Variants in HS6ST3 observed in about 807,000 individuals in gnomAD.
HS6ST3 encodes heparan sulfate 6-O-sulfotransferase 3, also known as heparan-sulfate 6-O-sulfotransferase 3.
Under a neutral mutation model 36.7 loss-of-function variants are expected in HS6ST3, and 12 were observed. That is an observed-to-expected ratio of 0.33 (90% CI 0.21 to 0.53). HS6ST3 has a LOEUF of 0.53. HS6ST3 is among the 20% of genes least tolerant of loss of function. The pLI, the probability that HS6ST3 is intolerant of heterozygous loss-of-function variation, is 0.95. For synonymous variants in HS6ST3, 240 were observed against 257.5 expected (o/e 0.93, Z 0.65); for missense variants, 584 against 640.9 (o/e 0.91, Z 0.96).
chr13:96,544,442 A>G (rs1311111900), intron 1 of HS6ST3, among the ~76,000 whole-genome samples: 4 of 152,198 alleles, frequency 2.6e-5, no homozygotes, highest in Non-Finnish European at 5.9e-5. Flanking sequence ...ATGTTGTACA[A>G]GACAATTGAT....
intron 1 of HS6ST3, among the ~76,000 whole-genome samples, chr13:96,729,127 G>C (rs567307161): frequency 6.6e-6 from 1 of 152,254 alleles, no homozygotes; most frequent in South Asian, 2.1e-4. Flanking sequence ...AAAAGAATAG[G>C]GTTCTAGTTG....
chr13:96,306,914 T>A (rs570152654), intron 1 of HS6ST3, among the ~76,000 whole-genome samples: 3 of 152,318 alleles, frequency 2.0e-5, no homozygotes, highest in South Asian at 2.1e-4. Flanking sequence ...TGGAAGTGGC[T>A]TACCTGGAGC....
intron 1 of HS6ST3, among the ~76,000 whole-genome samples, chr13:96,431,640 A>C (rs1274039807): frequency 2.0e-5 from 3 of 152,218 alleles, no homozygotes; most frequent in Admixed American, 6.5e-5. Context: ...GCTCCTTTTC[A>C]AAGATCTTCC....
intron 1 of HS6ST3, among the ~76,000 whole-genome samples, chr13:96,747,673 C>T (rs181037753): frequency 2.0e-5 from 3 of 151,816 alleles, no homozygotes; most frequent in Non-Finnish European, 4.4e-5. Flanking sequence ...TATATATATA[C>T]ACACATATAT....
chr13:96,360,320 A>C (rs1433764057), intron 1 of HS6ST3, among the ~76,000 whole-genome samples: 2 of 152,122 alleles, frequency 1.3e-5, no homozygotes, highest in East Asian at 3.9e-4. Context: ...TGACAAAAAA[A>C]AATAGGGGAA....
intron 1 of HS6ST3, among the ~76,000 whole-genome samples, chr13:96,682,132 A>T (rs2056720601): frequency 6.6e-6 from 1 of 152,086 alleles, no homozygotes; most frequent in Admixed American, 6.6e-5. Flanking sequence ...CTTCTCTCAA[A>T]TATTAACTAG....
chr13:96,335,328 C>T (rs894394555), intron 1 of HS6ST3, among the ~76,000 whole-genome samples: 5 of 152,154 alleles, frequency 3.3e-5, no homozygotes, highest in Non-Finnish European at 7.4e-5. Context: ...GGTAGGCATT[C>T]CAAGTGATGG....
intron 1 of HS6ST3, among the ~76,000 whole-genome samples, chr13:96,240,276 A>T (rs2054553926): frequency 6.6e-6 from 1 of 152,174 alleles, no homozygotes; most frequent in Non-Finnish European, 1.5e-5. Context: ...GTGACATATT[A>T]TGTGTGCTGT....
chr13:96,362,297 A>G (rs2055242472), intron 1 of HS6ST3, among the ~76,000 whole-genome samples: 1 of 152,162 alleles, frequency 6.6e-6, no homozygotes, highest in East Asian at 1.9e-4. Flanking sequence ...AATTAAAAAA[A>G]CTGTTCTTAT....
chr13:96,486,361 A>C (rs1008313775), intron 1 of HS6ST3, among the ~76,000 whole-genome samples: 10 of 152,140 alleles, frequency 6.6e-5, no homozygotes, highest in African/African-American at 2.2e-4. Context: ...CATGTTTTGT[A>C]ATCCTTTGGG....
intron 1 of HS6ST3, among the ~76,000 whole-genome samples, chr13:96,772,828 T>C (rs1877296354): frequency 6.6e-6 from 1 of 152,184 alleles, no homozygotes; most frequent in African/African-American, 2.4e-5. Context: ...TGATTTTCTT[T>C]TTTGGGAATG....
At chr13:96,192,981 T>C (rs1346120748) in intron 1 of HS6ST3, among the ~76,000 whole-genome samples, 2 of 152,176 alleles carry the variant, frequency 1.3e-5, no homozygotes, top group Non-Finnish European at 2.9e-5. Flanking sequence ...GATCTTGGAC[T>C]GTCTGTCAGC....
rs181133625 is a variant in HS6ST3 at position 96,476,701 on chromosome 13, C to T, written c.708-355789C>T. ...CTGCAGTGACATTAGATCTTGTGAACGTCGCTTGTGTTGCTTACTTGGATG... is the reference window on the plus strand; with the variant it reads ...CTGCAGTGACATTAGATCTTGTGAATGTCGCTTGTGTTGCTTACTTGGATG... On this transcript the variant is annotated intron_variant, in intron 1 of 1. Transcript: ENST00000376705. Among the ~76,000 whole-genome samples, 104 of 152,150 alleles carry T rather than the reference C, an allele frequency of 6.8e-4. 3 individuals are homozygous for T. Among genetic ancestry groups the T allele is most frequent in the Admixed American group, 6.0e-3 (91 of 15,240 alleles).
At chr13:96,658,307 G>T (rs1423267581) in intron 1 of HS6ST3, among the ~76,000 whole-genome samples, 1 of 52,836 alleles carries the variant, frequency 1.9e-5, no homozygotes, top group Non-Finnish European at 3.4e-5. Context: ...TTGAGATGGC[G>T]TCTCACTCTG....
chr13:96,277,268 C>T (rs1205087740), intron 1 of HS6ST3, among the ~76,000 whole-genome samples: 4 of 152,170 alleles, frequency 2.6e-5, no homozygotes, highest in Non-Finnish European at 4.4e-5. Context: ...TCTAGCTTAC[C>T]TGTGACGTTA....
chr13:96,357,562 A>G (rs1185291673), intron 1 of HS6ST3, among the ~76,000 whole-genome samples: 8 of 148,870 alleles, frequency 5.4e-5, no homozygotes, highest in African/African-American at 2.0e-4. Flanking sequence ...TAAGTTCACC[A>G]TCTATTTATT....
At chr13:96,332,719 TG>T (rs2139421727) in intron 1 of HS6ST3, among the ~76,000 whole-genome samples, 1 of 152,384 alleles carries the variant, frequency 6.6e-6, no homozygotes, top group African/African-American at 2.4e-5. Context: ...TTTTACATTT[TG>T]TACAGGAAAT....
chr13:96,599,977 C>G (rs527790716), intron 1 of HS6ST3, among the ~76,000 whole-genome samples: 1 of 151,962 alleles, frequency 6.6e-6, no homozygotes, highest in Admixed American at 6.6e-5. Context: ...TAGTTTGGGG[C>G]CAGTGTTGTC....
Position 96,126,702 on chromosome 13 carries a change from A to G in HS6ST3, c.707+35133A>G, listed in dbSNP as rs572404069. On this transcript the variant is annotated intron_variant, in intron 1 of 1. Transcript: ENST00000376705. ...CTGTGATTGGCTATCTCTTGGAACA[A>G]TTGTACTCCCCAATCTGCGACTCTT... 1.4e-4 allele frequency among the ~76,000 whole-genome samples: 21 copies of G among 152,192 alleles called. No homozygotes were observed. The South Asian group carries it at 3.3e-3, about 24-fold the overall frequency.
Sources: allele counts gnomAD v4.1 joint callset (sites outside exome capture counted in the v4.1 genomes callset), GRCh38; gene constraint gnomAD v4.1.1; transcripts MANE v1.5; gene names NCBI Gene and HGNC (gene_info 2026-07-23, HGNC 2026-07-21).